The following RBFOX1 variants were observed in gnomAD, a reference collection of about 807,000 sequenced individuals.
The protein encoded by RBFOX1 is RNA binding fox-1 homolog 1.
A neutral mutation model predicts 57.7 loss-of-function variants in RBFOX1; 8 were observed. That is an observed-to-expected ratio of 0.14 (90% CI 0.08 to 0.25). RBFOX1 has a LOEUF of 0.25. Among genes scored for constraint, RBFOX1 ranks in the 10% least tolerant of loss-of-function variants. RBFOX1 has a pLI of 1.00. For missense variants in RBFOX1, 611 were observed against 548.5 expected (o/e 1.11, Z -1.14); for synonymous variants, 326 against 222.4 (o/e 1.47, Z -4.15).
chr16:6,587,014 G>C (rs2097635244), intron 2 of RBFOX1, among the ~76,000 whole-genome samples: 1 of 152,034 alleles, frequency 6.6e-6, no homozygotes. Context: ...TGTTTATTGT[G>C]TGTGTGTGTG....
chr16:5,793,351 A>T (rs138591439), intron 3 of RBFOX1, among the ~76,000 whole-genome samples: 1 of 152,214 alleles, frequency 6.6e-6, no homozygotes, highest in African/African-American at 2.4e-5. Flanking sequence ...TCAACATGCC[A>T]TTGAAAAGGA....
In RBFOX1 at chr16:6,905,643, T is replaced by A. The variant is rs558336077; in HGVS notation, c.-15-146414T>A. 1.8e-3 allele frequency among the ~76,000 whole-genome samples: 268 copies of A among 152,218 alleles called. 1 individual carries two copies. The highest frequency in any genetic ancestry group is 6.1e-3 in the African/African-American group (252 of 41,532). ...TGTGTTTATTCCAATTTTCCCCGTT[T>A]AGCAACATTGCCCCCACCATCACCA... On this transcript the variant is annotated intron_variant, in intron 3 of 15. Coordinates refer to ENST00000550418, the MANE Select transcript of RBFOX1 (RefSeq NM_018723.4).
chr16:6,010,648 T>C (rs1248233322), intron 4 of RBFOX1, among the ~76,000 whole-genome samples: 1 of 152,200 alleles, frequency 6.6e-6, no homozygotes, highest in African/African-American at 2.4e-5. Flanking sequence ...AAAGCAATGG[T>C]GTAGAAGAAC....
intron 4 of RBFOX1, among the ~76,000 whole-genome samples, chr16:7,079,005 G>A (rs889287157): frequency 4.0e-5 from 6 of 150,796 alleles, no homozygotes; most frequent in Non-Finnish European, 7.4e-5. Context: ...ATATTGTGAG[G>A]CACTGGGAGT....
chr16:6,546,275 C>A (rs960103546), intron 2 of RBFOX1, among the ~76,000 whole-genome samples: 2 of 152,152 alleles, frequency 1.3e-5, no homozygotes, highest in African/African-American at 2.4e-5. Context: ...GACTTTGTCC[C>A]AAGTGCATTG....
chr16:7,660,451 C>T (rs1285602814), intron 12 of RBFOX1, among the ~76,000 whole-genome samples: 1 of 152,192 alleles, frequency 6.6e-6, no homozygotes, highest in Non-Finnish European at 1.5e-5. Context: ...ATCCCTGTGC[C>T]TCTTTCCCTG....
intron 3 of RBFOX1, among the ~76,000 whole-genome samples, chr16:5,719,984 A>T (rs2051867400): frequency 6.6e-6 from 1 of 151,890 alleles, no homozygotes; most frequent in African/African-American, 2.4e-5. Context: ...TTGAGGAACC[A>T]CCAATCTGTT....
At chr16:6,196,564 C>A (rs1363040985) in intron 1 of RBFOX1, among the ~76,000 whole-genome samples, 1 of 152,002 alleles carries the variant, frequency 6.6e-6, no homozygotes, top group Non-Finnish European at 1.5e-5. Context: ...CCAAATCCAC[C>A]CCCCAAATGT....
chr16:6,263,084 A>G (rs2097710901), intron 1 of RBFOX1, among the ~76,000 whole-genome samples: 1 of 152,272 alleles, frequency 6.6e-6, no homozygotes, highest in Non-Finnish European at 1.5e-5. Context: ...TGAAATGGGG[A>G]AAAGTTTGGT....
At chr16:7,504,741 A>ATATATTTG (rs1555526355) in intron 4 of RBFOX1, among the ~76,000 whole-genome samples, 1 of 10,274 alleles carries the variant, frequency 9.7e-5, no homozygotes, top group African/African-American at 2.9e-4. Context: ...ATATATATAT[A>ATATATTTG]TATATATATA....
At chr16:7,203,021 C>T (rs986870852) in intron 4 of RBFOX1, among the ~76,000 whole-genome samples, 9 of 152,110 alleles carry the variant, frequency 5.9e-5, no homozygotes, top group South Asian at 2.1e-4. Context: ...CTCCTGACCT[C>T]GTGATCCGCC....
intron 3 of RBFOX1, among the ~76,000 whole-genome samples, chr16:6,682,386 C>T (rs540526948): frequency 1.3e-5 from 2 of 151,826 alleles, no homozygotes; most frequent in African/African-American, 4.8e-5. Context: ...GCCGATTGCC[C>T]CTTCTTGGGG....
At chr16:5,309,816 A>C (rs2064035631) in intron 1 of RBFOX1, among the ~76,000 whole-genome samples, 1 of 152,212 alleles carries the variant, frequency 6.6e-6, no homozygotes, top group South Asian at 2.1e-4. Context: ...CAGACACAGA[A>C]AACCACAGTT....
At chr16:7,473,559 C>T (rs912374320) in intron 4 of RBFOX1, among the ~76,000 whole-genome samples, 15 of 150,352 alleles carry the variant, frequency 1.0e-4, no homozygotes, top group African/African-American at 2.9e-4. Context: ...TAGTATTTAG[C>T]GAAAGCAGTT....
intron 4 of RBFOX1, among the ~76,000 whole-genome samples, chr16:7,099,577 C>T (rs1179794411): frequency 6.6e-6 from 1 of 152,138 alleles, no homozygotes. Flanking sequence ...GTTAAGGTTG[C>T]ACCCTTGACA....
intron 4 of RBFOX1, among the ~76,000 whole-genome samples, chr16:6,000,889 G>T (rs115403752): frequency 7.5e-6 from 1 of 133,462 alleles, no homozygotes; most frequent in Non-Finnish European, 1.6e-5. Context: ...GGGTGGATAG[G>T]TAGGTAGGTG....
intron 3 of RBFOX1, among the ~76,000 whole-genome samples, chr16:6,879,999 C>A (rs1392040211): frequency 6.6e-6 from 1 of 152,104 alleles, no homozygotes; most frequent in Non-Finnish European, 1.5e-5. Context: ...CTGAAATAGT[C>A]TTAATCTTTC....
rs60488866 is a variant in RBFOX1, at chr16:7,521,069, A to G, written c.270+2680A>G. On this transcript the variant is annotated intron_variant, in intron 5 of 15. Coordinates refer to ENST00000550418, the MANE Select transcript of RBFOX1 (RefSeq NM_018723.4). ...AAAATATGGGTACCGTAGGAAAATT[A>G]AAAAAGAACAGAGGTGCTACCTGCA... Among the ~76,000 whole-genome samples, 15 of 147,786 alleles carry G rather than the reference A, an allele frequency of 1.0e-4. No individual in the cohort carries two copies. The South Asian group carries it at 3.2e-3, about 31-fold the overall frequency.
At chr16:7,282,467 A>G (rs2095564678) in intron 4 of RBFOX1, among the ~76,000 whole-genome samples, 1 of 152,150 alleles carries the variant, frequency 6.6e-6, no homozygotes, top group African/African-American at 2.4e-5. Flanking sequence ...AAATACATGG[A>G]TATTAGAAGT....
Sources: gnomAD v4.1 joint callset for allele counts (sites outside exome capture counted in the v4.1 genomes callset) on GRCh38, gnomAD v4.1.1 for gene constraint, MANE v1.5 for transcripts, NCBI Gene and HGNC (gene_info 2026-07-23, HGNC 2026-07-21) for gene names.